WDR11: variants seen among roughly 807,000 people sequenced by gnomAD.
WDR11 encodes WD repeat domain 11.
WDR11 carries 83 observed loss-of-function variants against 151.2 expected under a neutral mutation model. The observed-to-expected ratio is 0.55, with a 90% CI of 0.46 to 0.66. The LOEUF is 0.66. WDR11 is among the 30% of genes least tolerant of loss of function. The pLI, the probability that WDR11 is intolerant of heterozygous loss-of-function variation, is 0.00. For missense variants in WDR11, 1,301 were observed against 1,480.9 expected (o/e 0.88, Z 1.99); for synonymous variants, 484 against 533.1 (o/e 0.91, Z 1.27).
intron 1 of WDR11, 67 bp downstream of exon 1, chr10:120,851,573 C>G: frequency 6.4e-7 from 1 of 1,554,860 alleles, no homozygotes; most frequent in South Asian, 1.2e-5. Flanking sequence ...GGGGGAAGGA[C>G]AAGAGGTTTC....
chr10:120,896,958 G>C (rs1033837374), intron 19 of WDR11, among the ~76,000 whole-genome samples: 1 of 152,148 alleles, frequency 6.6e-6, no homozygotes, highest in Non-Finnish European at 1.5e-5. Flanking sequence ...AGGCTAAAAG[G>C]AGCCAGAGCT....
chr10:120,862,522 T>C lies in WDR11; in HGVS notation c.527-213T>C, dbSNP rs1590061108. ...TATCTTTTTAATATAAGACATAATA[T>C]AGAATGCCAAGCTTGGAGGCCTCTG... On this transcript the variant is annotated intron_variant, in intron 4 of 28. Coordinates refer to ENST00000263461, the MANE Select transcript of WDR11 (RefSeq NM_018117.12). The C allele has an allele frequency of 1.1e-5, 6 of 545,154 alleles. No individual in the cohort carries two copies. The East Asian group carries it at 1.9e-4, about 17-fold the overall frequency. 33.8% of individuals were successfully genotyped at this position (545,154 alleles called of 1,614,324 possible).
At chr10:120,876,247 T>C (rs1377243699) in intron 11 of WDR11, among the ~76,000 whole-genome samples, 1 of 152,172 alleles carries the variant, frequency 6.6e-6, no homozygotes, top group Non-Finnish European at 1.5e-5. Context: ...CCCAAAGTGC[T>C]GGGATTACAG....
chr10:120,899,225 C>T (rs1847722100), intron 19 of WDR11, among the ~76,000 whole-genome samples: 1 of 152,040 alleles, frequency 6.6e-6, no homozygotes, highest in Non-Finnish European at 1.5e-5. Context: ...AGAAGATAGC[C>T]CCTGTGTTCA....
rs961822508 is a variant in WDR11, at chr10:120,909,286, A to AGGACC, written c.*574_*578dup. ...CTAAGTTTTGTAATTTTAGGCTCAG[A>AGGACC]GGACCATAGGAGGTTTTAAGATTTA... On this transcript the variant is annotated 3_prime_UTR_variant, in exon 29 of 29. Transcript: ENST00000263461. 1.9e-5 allele frequency: 3 copies of AGGACC among 154,662 alleles called. No homozygotes were observed. Among genetic ancestry groups the AGGACC allele is most frequent in the African/African-American group, 7.4e-5 (3 of 40,644 alleles). The allele number at this position is 154,662 out of a possible 1,614,324, so 9.6% of individuals were successfully genotyped here.
rs1848025017 is a variant in WDR11, at chr10:120,905,976, TCC to T, written c.3393_3394del (p.Leu1134GlyfsTer5). 2 of 1,613,992 alleles carry T rather than the reference TCC, an allele frequency of 1.2e-6. No individual in the cohort carries two copies. The highest frequency in any genetic ancestry group is 2.7e-5 in the African/African-American group (2 of 74,928). ...CAGAAATCAAAGGCTCTCCTGGTTC[TCC>T]TCTCTCTGGGCTGCTTTTTTAGCGT... On this transcript the variant is annotated frameshift_variant, in exon 27 of 29. Coordinates refer to ENST00000263461, the MANE Select transcript of WDR11 (RefSeq NM_018117.12). LOFTEE classifies it high-confidence loss of function.
chr10:120,870,690 A>G (rs1248338748), intron 9 of WDR11, among the ~76,000 whole-genome samples: 2 of 152,216 alleles, frequency 1.3e-5, no homozygotes, highest in Non-Finnish European at 2.9e-5. Context: ...ATTAGAAATT[A>G]TGAATAAGTT....
rs780446999 is a variant in WDR11, at chr10:120,866,759, G to T, written c.1185G>T (p.Arg395=). The T allele has an allele frequency of 2.5e-6, 4 of 1,614,116 alleles. No individual in the cohort carries two copies. The highest frequency in any genetic ancestry group is 1.1e-5 in the South Asian group (1 of 91,070). Residue 395 remains arginine (R), a synonymous_variant, in exon 8 of 29, where the codon CGG becomes CGT. Transcript: ENST00000263461. ...LKSAVCNRNS[R]NSSSGVSPLY... ...CTGCAGTTTGTAATCGAAATTCACG[G>T]AACAGGTAAATGAATCAACAGGATC...
At chr10:120,875,536 A>T (rs1188952366) in intron 11 of WDR11, among the ~76,000 whole-genome samples, 2 of 152,072 alleles carry the variant, frequency 1.3e-5, no homozygotes, top group African/African-American at 4.8e-5. Flanking sequence ...ATACAGTCTT[A>T]CTCTGTCACC....
chr10:120,898,536 G>C (rs1847695576), intron 19 of WDR11, among the ~76,000 whole-genome samples: 1 of 152,138 alleles, frequency 6.6e-6, no homozygotes, highest in African/African-American at 2.4e-5. Flanking sequence ...ATACGATTTG[G>C]CTCTGTGTCT....
intron 15 of WDR11, among the ~76,000 whole-genome samples, 190 bp downstream of exon 15, chr10:120,886,128 CTGTT>C (rs1290890981): frequency 6.6e-6 from 1 of 152,142 alleles, no homozygotes; most frequent in African/African-American, 2.4e-5. Context: ...TTGTACTATA[CTGTT>C]TGTTATAACT....
intron 10 of WDR11, among the ~76,000 whole-genome samples, chr10:120,871,878 A>G (rs1846556408): frequency 6.6e-6 from 1 of 152,196 alleles, no homozygotes; most frequent in South Asian, 2.1e-4. Flanking sequence ...AGAAAAATTT[A>G]TCTGGGTTCC....
chr10:120,852,699 C>G, intron 2 of WDR11, 64 bp downstream of exon 2: 1 of 1,349,990 alleles, frequency 7.4e-7, no homozygotes, highest in Admixed American at 1.8e-5. Context: ...CTGTGTATCA[C>G]TAAGCTCTCA....
chr10:120,861,328 G>A (rs1846131961), intron 4 of WDR11, among the ~76,000 whole-genome samples: 1 of 152,194 alleles, frequency 6.6e-6, no homozygotes, highest in Non-Finnish European at 1.5e-5. Flanking sequence ...ACACTACAGG[G>A]TGCTTAGGCT....
Position 120,886,719 on chromosome 10 carries a change from A to T in WDR11, c.2004A>T (p.Glu668Asp). The stretch of plus-strand genomic sequence containing the variant: ...TGCAGGAGGCAGAAAGTAAATCTGA[A>T]CTTAGTCAGAACATCTCTGCCCGGG... ...SLLQEAESKS[E>D]LSQNISAREH... The change falls in exon 16 of 29, where the codon GAA (glutamate) becomes GAT (aspartate). Residue 668 changes from glutamate to aspartate, a missense_variant. Glu to Asp is a conservative substitution (Grantham distance 45). Around this residue, in one of 3 missense-constraint regions of WDR11, gnomAD observed 589 missense variants for 670.6 expected, o/e 0.88. Coordinates refer to ENST00000263461, the MANE Select transcript of WDR11 (RefSeq NM_018117.12). 2 of 1,613,984 alleles carry T rather than the reference A, an allele frequency of 1.2e-6. No individual in the cohort carries two copies. The highest frequency in any genetic ancestry group is 1.7e-6 in the Non-Finnish European group (2 of 1,179,948).
rs573888845 is a variant in WDR11 at position 120,867,663 on chromosome 10, G to T, written c.1294+494G>T. ...AGTTATCAGCATATTTTAATTGTGG[G>T]TTTTTTTCTTCTGTTTCATCTCATC... On this transcript the variant is annotated intron_variant, in intron 9 of 28. Transcript: ENST00000263461. Among the ~76,000 whole-genome samples the T allele has an allele frequency of 2.1e-3, 326 of 152,202 alleles. 4 individuals are homozygous for T. In the Middle Eastern group the frequency reaches 0.041, roughly 19 times the overall value.
At chr10:120,854,220 A>G (rs114849063) in intron 2 of WDR11, among the ~76,000 whole-genome samples, 2,767 of 152,194 alleles carry the variant, frequency 0.018, 28 homozygotes, top group African/African-American at 0.031. Flanking sequence ...CCACTGACCT[A>G]CTTTCTGTGT....
intron 26 of WDR11, 86 bp downstream of exon 26, chr10:120,905,502 AT>A: frequency 2.7e-6 from 4 of 1,456,036 alleles, no homozygotes; most frequent in African/African-American, 1.4e-5. Context: ...ACTTAGAAAC[AT>A]TTTTTGGCCT....
At chr10:120,902,426 C>G (rs1314272572) in intron 22 of WDR11, 104 bp downstream of exon 22, 1 of 926,340 alleles carries the variant, frequency 1.1e-6, no homozygotes, top group Non-Finnish European at 1.7e-6. Flanking sequence ...AAAAATGTAT[C>G]AGTTCATCCT....
Sources: allele counts gnomAD v4.1 joint callset (sites outside exome capture counted in the v4.1 genomes callset), GRCh38; gene constraint gnomAD v4.1.1; regional missense constraint gnomAD v4.1.1; transcripts MANE v1.5; gene names NCBI Gene and HGNC (gene_info 2026-07-23, HGNC 2026-07-21).